The following CLEC7A variants were observed in gnomAD, a reference collection of about 807,000 sequenced individuals.
The protein encoded by CLEC7A is C-type lectin domain containing 7A, also known as C-type lectin domain family 7 member A.
Under a neutral mutation model 26.9 loss-of-function variants are expected in CLEC7A, and 25 were observed. That is an observed-to-expected ratio of 0.93 (90% confidence interval 0.68 to 1.30). CLEC7A has a LOEUF of 1.30. CLEC7A is among the 50% of genes most tolerant of loss of function. The pLI, the probability that CLEC7A is intolerant of heterozygous loss-of-function variation, is 0.00. For missense variants in CLEC7A, 275 were observed against 286.7 expected, an observed-to-expected ratio of 0.96 and a Z score of 0.29; for synonymous variants, 100 against 99.5, an observed-to-expected ratio of 1.01 and a Z score of -0.03.
rs770611996 is a variant in CLEC7A at position 10,126,671 on chromosome 12, C to A, written c.240G>T (p.Glu80Asp). The change falls in exon 3 of 6, where the codon GAG becomes GAT. Residue 80 changes from glutamate (E) to aspartate (D), a missense_variant. Glu to Asp is a conservative substitution (Grantham distance 45). Transcript: ENST00000304084. Reference protein sequence around the residue: ...WRSNSGSNTLENGYFLSRNKE... With the variant: ...WRSNSGSNTLDNGYFLSRNKE... ...TATTTCTTGATAGAAAGTAGCCATT[C>A]TCCAATGTGTTGCTTCCTGAATTGG... 1 of 1,612,728 alleles carries A rather than the reference C, an allele frequency of 6.2e-7. No individual in the cohort carries two copies. The highest frequency in any genetic ancestry group is 1.1e-5 in the South Asian group (1 of 90,938).
At chr12:10,127,060 A>T in intron 2 of CLEC7A, 1 of 1,394,436 alleles carries the variant, frequency 7.2e-7, no homozygotes, top group Non-Finnish European at 9.4e-7. Flanking sequence ...TTATTTAAAA[A>T]TGAGAGATCC....
At chr12:10,118,621 G>A in intron 5 of CLEC7A, 31 bp from the exon 6 acceptor site, 1 of 1,595,672 alleles carries the variant, frequency 6.3e-7, no homozygotes, top group Non-Finnish European at 8.6e-7. Flanking sequence ...GAGGTAATTA[G>A]AACAAATGTT....
rs1002320382 is a variant in CLEC7A at position 10,119,152 on chromosome 12, G to A, written c.612-562C>T. ...TGGAAATCAACACTGCTAAATGCAG[G>A]CATGGTCCTGTTCAGTTTGGTCTTC... On this transcript the variant is annotated intron_variant, in intron 5 of 5. Coordinates refer to ENST00000304084, the MANE Select transcript of CLEC7A (RefSeq NM_197947.3). Among the ~76,000 whole-genome samples, 24 of 152,322 alleles carry A rather than the reference G, an allele frequency of 1.6e-4. 1 individual carries two copies. The highest frequency in any genetic ancestry group is 5.3e-4 in the African/African-American group (22 of 41,572).
chr12:10,121,947 G>T (rs1948099620), intron 5 of CLEC7A, among the ~76,000 whole-genome samples: 1 of 152,134 alleles, frequency 6.6e-6, no homozygotes, highest in Non-Finnish European at 1.5e-5. Flanking sequence ...GGCGGAGCTG[G>T]CAGTGAGCCG....
rs901178842 is a variant in CLEC7A at position 10,123,683 on chromosome 12, C to G, written c.493-320G>C. On this transcript the variant is annotated intron_variant, in intron 4 of 5. Coordinates refer to ENST00000304084, the MANE Select transcript of CLEC7A (RefSeq NM_197947.3). ...GGCTGAGGCAGGAGAATGGCATGAA[C>G]CCGGGAAGCGGAGCTTGCAGTGAGC... Among the ~76,000 whole-genome samples, 6 of 138,948 alleles carry G rather than the reference C, an allele frequency of 4.3e-5. 1 individual carries two copies. Among genetic ancestry groups the G allele is most frequent in the Non-Finnish European group, 7.5e-5 (5 of 66,872 alleles). The allele number at this position is 138,948 out of a possible 152,430, so 91.2% of individuals were successfully genotyped here.
At chr12:10,125,236 C>A in intron 4 of CLEC7A, 61 bp downstream of exon 4, 11 of 1,211,626 alleles carry the variant, frequency 9.1e-6, no homozygotes, top group Non-Finnish European at 1.2e-5. Flanking sequence ...TACCTGGAAT[C>A]TCCCTCTATC....
At position 10,118,507 on chromosome 12, in the gene CLEC7A, A is replaced by G. The variant is rs769484555; in HGVS notation, c.695T>C (p.Leu232Pro). 7 of 1,612,398 alleles carry G rather than the reference A, an allele frequency of 4.3e-6. No homozygotes were observed. The highest frequency in any genetic ancestry group is 1.3e-5 in the African/African-American group (1 of 75,008). Reference protein sequence around the residue: ...WIHVSVIYDQLCSVPSYSICE... With the variant: ...WIHVSVIYDQPCSVPSYSICE... The stretch of plus-strand genomic sequence containing the variant: ...AATACTATATGAGGGCACACTACAC[A>G]GTTGGTCATAAATGACTGACACGTG... The change falls in exon 6 of 6, where the codon CTG (leucine) becomes CCG (proline). Residue 232 changes from leucine to proline, a missense_variant. Transcript: ENST00000304084.
chr12:10,126,531 C>G, intron 3 of CLEC7A, 40 bp downstream of exon 3: 1 of 1,564,040 alleles, frequency 6.4e-7, no homozygotes, highest in Non-Finnish European at 8.6e-7. Flanking sequence ...AAGAATTAAC[C>G]CTCTTGAGTC....
intron 1 of CLEC7A, among the ~76,000 whole-genome samples, chr12:10,128,046 A>G (rs1413865535): frequency 1.4e-5 from 1 of 72,300 alleles, no homozygotes; most frequent in Admixed American, 1.4e-4. Flanking sequence ...CCCTGTCCCT[A>G]CCAAAAAAAA....
intron 4 of CLEC7A, 156 bp downstream of exon 4, chr12:10,125,141 A>G (rs111544843): frequency 0.067 from 50,133 of 749,116 alleles, 2,147 homozygotes; most frequent in South Asian, 0.081. Context: ...TCGCGGCTTC[A>G]CTGCACTCTA....
chr12:10,117,736 T>A lies in CLEC7A; in HGVS notation c.*722A>T, dbSNP rs774337794. ...CTTCATTTAGCTATTCAGAAATATA[T>A]TTCACCCTCAGTTCATAACTGATAT... is the stretch of plus-strand genomic sequence containing the variant. On this transcript the variant is annotated 3_prime_UTR_variant, in exon 6 of 6. Coordinates refer to ENST00000304084, the MANE Select transcript of CLEC7A (RefSeq NM_197947.3). 3 of 152,162 alleles carry A rather than the reference T, an allele frequency of 2.0e-5. No homozygotes were observed. Among genetic ancestry groups the A allele is most frequent in the Non-Finnish European group, 4.4e-5 (3 of 68,046 alleles). The allele number at this position is 152,162 out of a possible 1,614,324, so 9.4% of individuals were successfully genotyped here. A position where few individuals can be genotyped will look rare whatever the true frequency, so the allele number is the denominator to read the frequency against.
At chr12:10,122,378 TTAA>T (rs1041380127) in intron 5 of CLEC7A, among the ~76,000 whole-genome samples, 2 of 152,204 alleles carry the variant, frequency 1.3e-5, no homozygotes, top group Admixed American at 6.5e-5. Context: ...GCTTTTTAAC[TTAA>T]TAATAAGTCT....
chr12:10,118,469 ACTT>A lies in CLEC7A; in HGVS notation c.730_732del (p.Lys244del), dbSNP rs776324378. 166 of 1,609,540 alleles carry A rather than the reference ACTT, an allele frequency of 1.0e-4. No homozygotes were observed. Among genetic ancestry groups the A allele is most frequent in the Non-Finnish European group, 1.4e-4 (160 of 1,176,308 alleles). On this transcript the variant is annotated inframe_deletion, in exon 6 of 6. Coordinates refer to ENST00000304084, the MANE Select transcript of CLEC7A (RefSeq NM_197947.3). ...CTCCACCCTTCCTCTTACATTGAAA[ACTT>A]CTTCTCACAAATACTATATGAGGGC...
At chr12:10,122,939 CACTG>C (rs1322428135) in intron 5 of CLEC7A, among the ~76,000 whole-genome samples, 1 of 152,144 alleles carries the variant, frequency 6.6e-6, no homozygotes, top group Non-Finnish European at 1.5e-5. Context: ...CGGGGAGTTA[CACTG>C]ACTGACAGTG....
intron 5 of CLEC7A, among the ~76,000 whole-genome samples, chr12:10,120,757 C>T (rs891767436): frequency 7.3e-6 from 1 of 137,846 alleles, no homozygotes; most frequent in Admixed American, 7.2e-5. Context: ...TTTTCTTTTT[C>T]TTTTTTTTTT....
intron 4 of CLEC7A, 185 bp downstream of exon 4, chr12:10,125,112 A>T (rs1165865411): frequency 1.5e-6 from 1 of 671,014 alleles, no homozygotes; most frequent in Non-Finnish European, 2.7e-6. Context: ...AGGTGGGAGG[A>T]TCACTTGAGC....
rs1479599781 is a variant in CLEC7A at position 10,117,335 on chromosome 12, C to T, written c.*1123G>A. 6.6e-6 allele frequency: 1 copy of T among 151,984 alleles called. No homozygotes were observed. Among genetic ancestry groups the T allele is most frequent in the Non-Finnish European group, 1.5e-5 (1 of 68,036 alleles). The allele number at this position is 151,984 out of a possible 1,614,324, so 9.4% of individuals were successfully genotyped here. A position where few individuals can be genotyped will look rare whatever the true frequency, so the allele number is the denominator to read the frequency against. On this transcript the variant is annotated 3_prime_UTR_variant, in exon 6 of 6. Transcript: ENST00000304084. ...CTTGAGGTCAGGAGTTCGGGACTAC[C>T]CTGACCGACATGGAGAAACCCTGTC...
At chr12:10,122,509 TTGGAGTCTCAC>T (rs1208765621) in intron 5 of CLEC7A, among the ~76,000 whole-genome samples, 2 of 143,800 alleles carry the variant, frequency 1.4e-5, no homozygotes, top group African/African-American at 2.6e-5. Context: ...TTTTTTTGAG[TTGGAGTCTCAC>T]TGGAGTCTCA....
intron 1 of CLEC7A, among the ~76,000 whole-genome samples, chr12:10,128,385 A>G (rs1190037749): frequency 6.6e-6 from 1 of 152,120 alleles, no homozygotes; most frequent in Non-Finnish European, 1.5e-5. Context: ...TGGAATTGTA[A>G]TTTCGGCACA....
Sources: gnomAD v4.1 joint callset for allele counts (sites outside exome capture counted in the v4.1 genomes callset) on GRCh38, gnomAD v4.1.1 for gene constraint, MANE v1.5 for transcripts, NCBI Gene and HGNC (gene_info 2026-07-23, HGNC 2026-07-21) for gene names.